The following SDK1 variants were observed in gnomAD, a reference collection of about 807,000 sequenced individuals.
SDK1 encodes sidekick cell adhesion molecule 1.
SDK1 carries 157 observed loss-of-function variants against 245.5 expected under a neutral mutation model. The ratio of observed to expected loss-of-function variants is 0.64; its 90% CI spans 0.56 to 0.73. The LOEUF (loss-of-function observed/expected upper bound fraction) is 0.73. Ranked by LOEUF, SDK1 falls within the 30% of genes least tolerant of loss-of-function variation. The pLI, the probability that SDK1 is intolerant of heterozygous loss-of-function variation, is 0.00. For missense variants in SDK1, 3,583 were observed against 3,002.3 expected (o/e 1.19, Z -4.52); for synonymous variants, 1,647 against 1,278.5 (o/e 1.29, Z -6.15).
chr7:3,334,580 A>G (rs1428780516), intron 1 of SDK1, among the ~76,000 whole-genome samples: 1 of 152,120 alleles, frequency 6.6e-6, no homozygotes, highest in Non-Finnish European at 1.5e-5. Context: ...AGCACGTTCC[A>G]GAGGCCCCAC....
intron 4 of SDK1, among the ~76,000 whole-genome samples, chr7:3,691,846 A>G (rs1784444823): frequency 6.6e-6 from 1 of 152,186 alleles, no homozygotes; most frequent in African/African-American, 2.4e-5. Flanking sequence ...TTGAAAATGT[A>G]TTATAAGGCA....
At chr7:3,347,305 C>A (rs755082038) in intron 1 of SDK1, among the ~76,000 whole-genome samples, 40 of 152,030 alleles carry the variant, frequency 2.6e-4, no homozygotes, top group Middle Eastern at 6.8e-3. Flanking sequence ...GTATATGGAG[C>A]AGTATTTTTA....
In SDK1 at chr7:4,265,952, TC is replaced by T; in HGVS notation, c.*569del. On this transcript the variant is annotated 3_prime_UTR_variant, in exon 45 of 45. Coordinates refer to ENST00000404826, the MANE Select transcript of SDK1 (RefSeq NM_152744.4). Reference sequence around the variant, plus strand: ...TCTGAAATGTTCTCACTTGGCAGTGTCTAGTCAAGGAGTCGGCTTTCAGGTT... The same window carrying T: ...TCTGAAATGTTCTCACTTGGCAGTGTTAGTCAAGGAGTCGGCTTTCAGGTT... The T allele has an allele frequency of 1.0e-6, 1 of 985,680 alleles. No individual in the cohort carries two copies. Among genetic ancestry groups the T allele is most frequent in the Non-Finnish European group, 1.2e-6 (1 of 830,112 alleles). 61.1% of individuals were successfully genotyped at this position (985,680 alleles called of 1,614,324 possible).
At chr7:4,175,703 C>A in intron 33 of SDK1, 72 bp from the exon 34 acceptor site, 1 of 1,282,666 alleles carries the variant, frequency 7.8e-7, no homozygotes, top group Non-Finnish European at 1.1e-6. Flanking sequence ...CTCCCTTGTT[C>A]CTGCCGCACA....
chr7:3,786,106 T>A (rs989069310), intron 4 of SDK1, among the ~76,000 whole-genome samples: 12 of 152,168 alleles, frequency 7.9e-5, no homozygotes, highest in African/African-American at 2.7e-4. Flanking sequence ...TCTCCTTAAG[T>A]CCTCCTTGTT....
Position 4,266,214 on chromosome 7 carries a change from G to T in SDK1, c.*830G>T. The T allele has an allele frequency of 1.0e-6, 1 of 985,480 alleles. No individual in the cohort carries two copies. Among genetic ancestry groups the T allele is most frequent in the Non-Finnish European group, 1.2e-6 (1 of 829,930 alleles). 61.0% of individuals were successfully genotyped at this position (985,480 alleles called of 1,614,324 possible). On this transcript the variant is annotated 3_prime_UTR_variant, in exon 45 of 45. Transcript: ENST00000404826. The stretch of plus-strand genomic sequence containing the variant: ...GACACGGGACGGCGTCTCCAGAATT[G>T]CTTGTTACGTAGGAAGCGTGCATTG...
chr7:3,724,044 A>G (rs1397267800), intron 4 of SDK1, among the ~76,000 whole-genome samples: 4 of 148,780 alleles, frequency 2.7e-5, no homozygotes, highest in Middle Eastern at 3.4e-3. Context: ...GCTCACTGCA[A>G]CCTCCGCCTC....
intron 1 of SDK1, chr7:3,476,179 A>G (rs1318734466): frequency 2.0e-5 from 3 of 152,594 alleles, no homozygotes; most frequent in African/African-American, 4.8e-5. Context: ...AAAAGGTACG[A>G]TATGCATATG....
chr7:3,502,424 AT>A, intron 1 of SDK1, among the ~76,000 whole-genome samples: 1 of 151,924 alleles, frequency 6.6e-6, no homozygotes, highest in South Asian at 2.1e-4. Flanking sequence ...TAATTTTTGT[AT>A]TTTTTGTAGA....
At chr7:3,995,356 C>G (rs907793816) in intron 14 of SDK1, among the ~76,000 whole-genome samples, 1 of 152,146 alleles carries the variant, frequency 6.6e-6, no homozygotes, top group Non-Finnish European at 1.5e-5. Flanking sequence ...ATCTCCTCCC[C>G]TAGGGGTGCC....
At chr7:3,620,994 C>G (rs1156339734) in intron 2 of SDK1, among the ~76,000 whole-genome samples, 2 of 152,110 alleles carry the variant, frequency 1.3e-5, no homozygotes, top group Non-Finnish European at 2.9e-5. Context: ...TCCACCACAC[C>G]TGAGCAATGG....
chr7:3,459,025 G>A (rs996988885), intron 1 of SDK1, among the ~76,000 whole-genome samples: 6 of 152,096 alleles, frequency 3.9e-5, no homozygotes, highest in African/African-American at 1.2e-4. Context: ...TGACATACAC[G>A]TAAACACAGA....
chr7:3,533,382 C>G (rs1306376942), intron 1 of SDK1, among the ~76,000 whole-genome samples: 4 of 152,110 alleles, frequency 2.6e-5, no homozygotes, highest in Non-Finnish European at 5.9e-5. Context: ...AAGGAAAGAC[C>G]AAGGGAGGAC....
intron 4 of SDK1, among the ~76,000 whole-genome samples, chr7:3,796,412 T>A (rs1000878314): frequency 2.0e-5 from 3 of 152,240 alleles, no homozygotes; most frequent in African/African-American, 7.2e-5. Context: ...TGAAGCTGTT[T>A]CGCTGTTGCT....
At chr7:3,712,031 C>G (rs6958681) in intron 4 of SDK1, among the ~76,000 whole-genome samples, 4,915 of 152,224 alleles carry the variant, frequency 0.032, 259 homozygotes, top group African/African-American at 0.11. Flanking sequence ...GCATGTGAAA[C>G]GGTTAATCCA....
At chr7:3,586,324 G>T (rs1780687753) in intron 1 of SDK1, among the ~76,000 whole-genome samples, 1 of 152,108 alleles carries the variant, frequency 6.6e-6, no homozygotes, top group African/African-American at 2.4e-5. Context: ...AGTGCACCCA[G>T]TGGAGGTGAC....
chr7:3,502,683 T>C (rs555293338), intron 1 of SDK1, among the ~76,000 whole-genome samples: 1 of 152,380 alleles, frequency 6.6e-6, no homozygotes, highest in African/African-American at 2.4e-5. Flanking sequence ...TTTAAAAATA[T>C]TAAAATTTTG....
rs1261507190 is a variant in SDK1 at position 3,423,929 on chromosome 7, T to TG, written c.298+122045_298+122046insG. On this transcript the variant is annotated intron_variant, in intron 1 of 44. Coordinates refer to ENST00000404826, the MANE Select transcript of SDK1 (RefSeq NM_152744.4). ...GGCAAACACATACTATTTTTTTTTT[T>TG]TTTTTGAGATGAGTCTCTATTGCCC... Among the ~76,000 whole-genome samples, 838 of 151,274 alleles carry TG rather than the reference T, an allele frequency of 5.5e-3. 4 individuals are homozygous for TG. Among genetic ancestry groups the TG allele is most frequent in the Non-Finnish European group, 8.9e-3 (601 of 67,726 alleles).
chr7:3,863,327 C>T lies in SDK1; in HGVS notation c.847+41744C>T, dbSNP rs114553055. Among the ~76,000 whole-genome samples, 734 of 152,312 alleles carry T rather than the reference C, an allele frequency of 4.8e-3. 6 individuals carry two copies. The highest frequency in any genetic ancestry group is 0.016 in the African/African-American group (684 of 41,568). Reference sequence around the variant, plus strand: ...GGAAATTCTGCCTGAAACTTTTCTCCACTTGTCAGCATTTCCACTGATGCC... The same window carrying T: ...GGAAATTCTGCCTGAAACTTTTCTCTACTTGTCAGCATTTCCACTGATGCC... On this transcript the variant is annotated intron_variant, in intron 5 of 44. Transcript: ENST00000404826.
Sources: gnomAD v4.1 joint callset for allele counts (sites outside exome capture counted in the v4.1 genomes callset) on GRCh38, gnomAD v4.1.1 for gene constraint, MANE v1.5 for transcripts, NCBI Gene and HGNC (gene_info 2026-07-23, HGNC 2026-07-21) for gene names.